The following NEGR1 variants were observed in gnomAD, a reference collection of about 807,000 sequenced individuals.
The protein encoded by NEGR1 is IgLON family member 4.
NEGR1 carries 10 observed loss-of-function variants against 40.9 expected under a neutral mutation model. The ratio of observed to expected loss-of-function variants is 0.24; its 90% CI spans 0.15 to 0.42. The LOEUF (loss-of-function observed/expected upper bound fraction) is 0.42. Ranked by LOEUF, NEGR1 falls within the 10% of genes least tolerant of loss-of-function variation. The probability of loss-of-function intolerance (pLI) is 1.00; values close to 1 mark genes in which losing one functional copy is unlikely to be tolerated. For synonymous variants in NEGR1, 185 were observed against 166.8 expected (o/e 1.11, Z -0.84); for missense variants, 352 against 438.9 (o/e 0.80, Z 1.77).
At chr1:72,279,596 G>C (rs902338702) in intron 1 of NEGR1, among the ~76,000 whole-genome samples, 1 of 152,100 alleles carries the variant, frequency 6.6e-6, no homozygotes. Flanking sequence ...GTAGAATTTT[G>C]TTTTGTTTTC....
chr1:71,825,709 G>C (rs1658595552), intron 2 of NEGR1, among the ~76,000 whole-genome samples: 3 of 151,728 alleles, frequency 2.0e-5, no homozygotes, highest in African/African-American at 2.4e-5. Flanking sequence ...TTTATGAAAA[G>C]GATCACATGT....
chr1:71,616,627 A>G (rs1356592376), intron 4 of NEGR1, among the ~76,000 whole-genome samples: 1 of 152,182 alleles, frequency 6.6e-6, no homozygotes, highest in Non-Finnish European at 1.5e-5. Context: ...GCACAACTGC[A>G]TCTGGTGGCA....
At chr1:71,582,133 AT>A (rs903835449) in intron 6 of NEGR1, among the ~76,000 whole-genome samples, 1 of 152,126 alleles carries the variant, frequency 6.6e-6, no homozygotes, top group Non-Finnish European at 1.5e-5. Flanking sequence ...TATACAATTG[AT>A]TTTTTTAATG....
intron 1 of NEGR1, among the ~76,000 whole-genome samples, chr1:71,962,045 A>T (rs1031474275): frequency 6.6e-6 from 1 of 152,156 alleles, no homozygotes. Context: ...AAAATGACCA[A>T]CAAAGTTGAC....
intron 2 of NEGR1, among the ~76,000 whole-genome samples, chr1:71,812,607 G>T (rs2101764300): frequency 6.6e-6 from 1 of 152,154 alleles, no homozygotes; most frequent in East Asian, 1.9e-4. Flanking sequence ...GTGTGAGATG[G>T]TATCTTACTG....
intron 6 of NEGR1, chr1:71,422,703 A>G (rs1261201053): frequency 1.3e-5 from 2 of 152,168 alleles, no homozygotes; most frequent in East Asian, 3.9e-4. Flanking sequence ...TATTATAGAA[A>G]GGATTTTGTA....
chr1:72,213,277 T>C (rs1653677628), intron 1 of NEGR1, among the ~76,000 whole-genome samples: 1 of 152,012 alleles, frequency 6.6e-6, no homozygotes. Context: ...TACAGCCAGA[T>C]ATATTTTTGT....
At chr1:71,646,629 T>G (rs1651540130) in intron 4 of NEGR1, among the ~76,000 whole-genome samples, 1 of 151,780 alleles carries the variant, frequency 6.6e-6, no homozygotes, top group African/African-American at 2.4e-5. Flanking sequence ...CACCACACAT[T>G]TGAAAAATGG....
chr1:72,100,721 A>G (rs1648902005), intron 1 of NEGR1: 1 of 152,204 alleles, frequency 6.6e-6, no homozygotes, highest in South Asian at 2.1e-4. Flanking sequence ...GTTAAATCTT[A>G]TCAATTATGT....
At chr1:71,597,945 A>G (rs1451010999) in intron 5 of NEGR1, among the ~76,000 whole-genome samples, 6 of 152,274 alleles carry the variant, frequency 3.9e-5, no homozygotes, top group East Asian at 1.9e-4. Context: ...ATTGTACACA[A>G]TAATGTTTCG....
At chr1:72,239,809 T>A (rs945949224) in intron 1 of NEGR1, among the ~76,000 whole-genome samples, 15 of 151,776 alleles carry the variant, frequency 9.9e-5, no homozygotes, top group Admixed American at 4.6e-4. Context: ...AAAATCTGAC[T>A]CCTTCTGCAC....
chr1:71,926,675 T>A (rs1042017545), intron 2 of NEGR1, among the ~76,000 whole-genome samples: 5 of 150,926 alleles, frequency 3.3e-5, no homozygotes, highest in African/African-American at 1.2e-4. Flanking sequence ...TCTTCCCTAC[T>A]TGTCTTTCAT....
At chr1:71,556,630 T>TAC (rs71965942) in intron 6 of NEGR1, among the ~76,000 whole-genome samples, 13,377 of 147,620 alleles carry the variant, frequency 0.091, 665 homozygotes, top group South Asian at 0.13. Flanking sequence ...ATTTTGTAAT[T>TAC]ACACACACAC....
chr1:71,617,642 C>T (rs923914472), intron 4 of NEGR1, among the ~76,000 whole-genome samples: 5 of 152,160 alleles, frequency 3.3e-5, no homozygotes, highest in Admixed American at 6.5e-5. Context: ...GTCTACACAC[C>T]GTGTCATCCA....
At chr1:71,991,689 G>A (rs901708038) in intron 1 of NEGR1, among the ~76,000 whole-genome samples, 2 of 152,136 alleles carry the variant, frequency 1.3e-5, no homozygotes, top group African/African-American at 4.8e-5. Context: ...AATTAATTGA[G>A]ATCAACAAAC....
chr1:71,707,817 T>C (rs912208787), intron 3 of NEGR1, among the ~76,000 whole-genome samples: 2 of 152,240 alleles, frequency 1.3e-5, no homozygotes, highest in Non-Finnish European at 2.9e-5. Context: ...GAGATGATTG[T>C]ATGTTTGTGA....
rs144426886 is a variant in NEGR1 at position 72,228,712 on chromosome 1, C to T, written c.176+53607G>A. Among the ~76,000 whole-genome samples the T allele has an allele frequency of 3.9e-3, 588 of 152,086 alleles. 6 individuals carry two copies. The highest frequency in any genetic ancestry group is 0.013 in the African/African-American group (528 of 41,510). ...GATACATCTATAGACCAAAAGATGA[C>T]CAGGGACTTTTGAATGGTAATGTGC... is the stretch of plus-strand genomic sequence containing the variant. On this transcript the variant is annotated intron_variant, in intron 1 of 6. Coordinates refer to ENST00000357731, the MANE Select transcript of NEGR1 (RefSeq NM_173808.3).
intron 2 of NEGR1, among the ~76,000 whole-genome samples, chr1:71,830,955 G>A (rs985971988): frequency 1.3e-5 from 2 of 151,778 alleles, no homozygotes. Context: ...AAAAAAAAAT[G>A]TGTACCATTT....
At chr1:72,245,880 A>T (rs1336998603) in intron 1 of NEGR1, among the ~76,000 whole-genome samples, 2 of 152,184 alleles carry the variant, frequency 1.3e-5, no homozygotes, top group African/African-American at 4.8e-5. Flanking sequence ...CAAAAGTTTC[A>T]AAAATTTAAT....
Sources: gnomAD v4.1 joint callset for allele counts (sites outside exome capture counted in the v4.1 genomes callset) on GRCh38, gnomAD v4.1.1 for gene constraint, MANE v1.5 for transcripts, NCBI Gene and HGNC (gene_info 2026-07-23, HGNC 2026-07-21) for gene names.